The following DNAH3 variants were observed in gnomAD, a reference collection of about 807,000 sequenced individuals.
DNAH3 encodes the protein axonemal beta dynein heavy chain 3.
In DNAH3, 332 loss-of-function variants were observed where a neutral mutation model predicts 432.5. The ratio of observed to expected loss-of-function variants is 0.77; its 90% CI spans 0.70 to 0.84. The LOEUF (loss-of-function observed/expected upper bound fraction) is 0.84, where lower values mean the gene tolerates loss of function less well. Among genes scored for constraint, DNAH3 ranks in the 40% least tolerant of loss-of-function variants. The pLI is 0.00. For synonymous variants in DNAH3, 1,956 were observed against 1,900.2 expected, an observed-to-expected ratio of 1.03 and a Z score of -0.76; for missense variants, 4,861 against 5,114.0, an observed-to-expected ratio of 0.95 and a Z score of 1.51.
chr16:21,054,127 G>A (rs1432250694), intron 28 of DNAH3, among the ~76,000 whole-genome samples: 1 of 152,008 alleles, frequency 6.6e-6, no homozygotes, highest in African/African-American at 2.4e-5. Context: ...TATTATCTAC[G>A]GCTAGCCAAG....
At chr16:20,971,477 T>G (rs1395243123) in intron 51 of DNAH3, among the ~76,000 whole-genome samples, 1 of 152,158 alleles carries the variant, frequency 6.6e-6, no homozygotes, top group Non-Finnish European at 1.5e-5. Flanking sequence ...CAAAAAAGCC[T>G]CAGGAAAGCT....
chr16:21,109,738 T>A (rs1478199144), intron 14 of DNAH3, among the ~76,000 whole-genome samples: 2 of 151,256 alleles, frequency 1.3e-5, no homozygotes, highest in Non-Finnish European at 2.9e-5. Flanking sequence ...CTCTCTCTTT[T>A]TTTTTTTTCT....
intron 58 of DNAH3, among the ~76,000 whole-genome samples, chr16:20,943,087 T>G (rs1237647202): frequency 1.3e-5 from 2 of 150,720 alleles, no homozygotes; most frequent in South Asian, 2.1e-4. Flanking sequence ...CCACACCCAG[T>G]TAACTTTTTT....
At chr16:21,002,606 C>A (rs1273195727) in intron 42 of DNAH3, among the ~76,000 whole-genome samples, 7 of 152,060 alleles carry the variant, frequency 4.6e-5, no homozygotes, top group African/African-American at 9.7e-5. Context: ...GGATTACAGG[C>A]ATGCGCCACC....
intron 14 of DNAH3, among the ~76,000 whole-genome samples, chr16:21,110,900 C>A (rs2092055578): frequency 6.6e-6 from 1 of 152,070 alleles, no homozygotes; most frequent in South Asian, 2.1e-4. Flanking sequence ...AAATGATATG[C>A]AAATAGAGGC....
rs147238151 is a variant in DNAH3, at chr16:21,104,523, G to A, written c.2314C>T (p.Arg772Trp). Residue 772 changes from arginine to tryptophan, a missense_variant, in exon 16 of 62, where the codon CGG becomes TGG. By Grantham distance (101) the Arg-to-Trp change is moderately radical. Coordinates refer to ENST00000261383, the Ensembl canonical transcript of DNAH3. ...TCCCTCTTGTGAAGGAGCAAGTTCC[G>A]GCTGTTGTCAAAGATATCTTCAATC... is the stretch of plus-strand genomic sequence containing the variant. 8.9e-5 allele frequency: 144 copies of A among 1,614,000 alleles called. No individual in the cohort carries two copies. In the East Asian group the frequency reaches 1.1e-3, roughly 12 times the overall value.
chr16:21,035,571 T>C (rs533521677), intron 35 of DNAH3, among the ~76,000 whole-genome samples: 2 of 152,194 alleles, frequency 1.3e-5, no homozygotes, highest in Non-Finnish European at 2.9e-5. Flanking sequence ...ATAAAACAAA[T>C]AGTATAAAAT....
chr16:20,936,920 C>G (rs1005202745), intron 59 of DNAH3, 67 bp from the exon 60 acceptor site: 7 of 1,260,468 alleles, frequency 5.6e-6, no homozygotes, highest in Non-Finnish European at 7.8e-6. Context: ...AGTCCACTGA[C>G]TGCTGTCCCC....
exon 48 of DNAH3, chr16:20,985,175 T>C (rs769299179): frequency 1.2e-6 from 2 of 1,614,204 alleles, no homozygotes; most frequent in South Asian, 1.1e-5. Context: ...ATGTCAGCCT[T>C]CTCGTCAGCA....
At chr16:21,066,157 G>GA (rs2090539805) in intron 24 of DNAH3, among the ~76,000 whole-genome samples, 2 of 141,644 alleles carry the variant, frequency 1.4e-5, no homozygotes. Context: ...ATCATTTTTT[G>GA]TTTTTTTTTT....
intron 59 of DNAH3, among the ~76,000 whole-genome samples, chr16:20,938,684 A>AG (rs2083688176): frequency 6.6e-6 from 1 of 151,620 alleles, no homozygotes; most frequent in Non-Finnish European, 1.5e-5. Flanking sequence ...AAAAAAAAAA[A>AG]AAAGGGAAAG....
In DNAH3 at chr16:21,023,445, A is replaced by G. The variant is rs1235357046; in HGVS notation, c.5646+1151T>C. On this transcript the variant is annotated intron_variant, in intron 39 of 61. Transcript: ENST00000261383. ...GTGAAGAATAACAGGAAGGGTTTAAATAGGGTAAAGAAGCCTTCCTGGAGG... is the reference window on the plus strand; with the variant it reads ...GTGAAGAATAACAGGAAGGGTTTAAGTAGGGTAAAGAAGCCTTCCTGGAGG... 3.3e-5 allele frequency among the ~76,000 whole-genome samples: 5 copies of G among 152,242 alleles called. No homozygotes were observed. The East Asian group carries it at 9.6e-4, about 29-fold the overall frequency.
At chr16:21,029,107 T>C (rs992578409) in intron 37 of DNAH3, among the ~76,000 whole-genome samples, 35 of 152,236 alleles carry the variant, frequency 2.3e-4, no homozygotes, top group African/African-American at 8.4e-4. Flanking sequence ...AATTCACTTA[T>C]TATGACTCTC....
Position 20,982,211 on chromosome 16 carries a change from C to T in DNAH3, c.7859+510G>A, listed in dbSNP as rs150592788. ...CCACCCTGGCCAACATGGCGAAACC[C>T]CATATCTAGTAAAAATATAAAAATT... On this transcript the variant is annotated intron_variant, in intron 49 of 61. Coordinates refer to ENST00000261383, the Ensembl canonical transcript of DNAH3. Among the ~76,000 whole-genome samples the T allele has an allele frequency of 7.1e-3, 1,073 of 152,044 alleles. 16 individuals are homozygous for T. The highest frequency in any genetic ancestry group is 0.025 in the African/African-American group (1,040 of 41,470).
At chr16:21,003,264 A>G in intron 41 of DNAH3, 57 bp from the exon 42 acceptor site, 10 of 1,180,408 alleles carry the variant, frequency 8.5e-6, no homozygotes, top group Non-Finnish European at 1.2e-5. Flanking sequence ...CTTGCCTCCC[A>G]TATTTGAGGA....
chr16:21,083,077 C>T (rs1045122668), intron 19 of DNAH3, among the ~76,000 whole-genome samples: 12 of 150,042 alleles, frequency 8.0e-5, no homozygotes, highest in Admixed American at 4.7e-4. Context: ...AGTGCCATGG[C>T]GCAATCTCGG....
At chr16:21,132,887 T>C (rs1227695816) in intron 7 of DNAH3, among the ~76,000 whole-genome samples, 1 of 148,080 alleles carries the variant, frequency 6.8e-6, no homozygotes, top group Non-Finnish European at 1.5e-5. Flanking sequence ...TTATGGAATG[T>C]GGATATCTCA....
At chr16:21,019,479 T>G (rs368334335) in intron 41 of DNAH3, 145 bp downstream of exon 41, 1 of 907,500 alleles carries the variant, frequency 1.1e-6, no homozygotes, top group East Asian at 2.5e-5. Context: ...ATTTTAATTC[T>G]GTAATTCCTT....
In DNAH3 at chr16:20,982,906, G is replaced by A. The variant is rs202154566; in HGVS notation, c.7674C>T (p.Asn2558=). The A allele has an allele frequency of 3.7e-6, 6 of 1,613,188 alleles. No individual in the cohort carries two copies. The East Asian group carries it at 1.1e-4, about 30-fold the overall frequency. The change falls in exon 49 of 62, where the codon AAC becomes AAT. Residue 2558 remains asparagine, a synonymous_variant. Transcript: ENST00000261383. The stretch of plus-strand genomic sequence containing the variant: ...TCATGGCTAATGAAAAGGAGATTTT[G>A]TTAATTACCTTCCTCCAAGGCAGGT...
Sources: gnomAD v4.1 joint callset for allele counts (sites outside exome capture counted in the v4.1 genomes callset) on GRCh38, gnomAD v4.1.1 for gene constraint, MANE v1.5 for transcripts, NCBI Gene and HGNC (gene_info 2026-07-23, HGNC 2026-07-21) for gene names.